Variants in STIM1 observed in about 807,000 individuals in gnomAD.
The protein encoded by STIM1 is stromal interaction molecule 1.
STIM1 carries 25 observed loss-of-function variants against 74.7 expected under a neutral mutation model. The observed-to-expected ratio is 0.33, with a 90% confidence interval of 0.24 to 0.47. The LOEUF (loss-of-function observed/expected upper bound fraction) is 0.47, where lower values mean the gene tolerates loss of function less well. Ranked by LOEUF, STIM1 falls within the 20% of genes least tolerant of loss-of-function variation. The probability of loss-of-function intolerance (pLI) is 1.00; values close to 1 mark genes in which losing one functional copy is unlikely to be tolerated. For synonymous variants in STIM1, 328 were observed against 348.8 expected (o/e 0.94, Z 0.66); for missense variants, 728 against 920.8 (o/e 0.79, Z 2.71).
intron 3 of STIM1, among the ~76,000 whole-genome samples, chr11:4,024,416 C>G (rs1387228606): frequency 6.6e-6 from 1 of 152,178 alleles, no homozygotes; most frequent in Non-Finnish European, 1.5e-5. Flanking sequence ...ACTCTCTCCT[C>G]TTCTATACCA....
At chr11:3,971,004 A>G (rs2093387519) in intron 2 of STIM1, among the ~76,000 whole-genome samples, 1 of 152,194 alleles carries the variant, frequency 6.6e-6, no homozygotes, top group Admixed American at 6.5e-5. Flanking sequence ...ATGGGTCACA[A>G]CTTTGTCTAA....
At chr11:3,937,317 T>TAATAAA (rs1224367253) in intron 1 of STIM1, among the ~76,000 whole-genome samples, 3 of 149,380 alleles carry the variant, frequency 2.0e-5, no homozygotes, top group African/African-American at 4.9e-5. Context: ...ATAATAATAA[T>TAATAAA]AAAATATCTG....
chr11:4,086,720 C>T, intron 12 of STIM1, 177 bp downstream of exon 12: 1 of 1,538,116 alleles, frequency 6.5e-7, no homozygotes. Context: ...ACCACCACCA[C>T]CACCACCACC....
intron 1 of STIM1, among the ~76,000 whole-genome samples, chr11:3,933,745 TTATAAC>T (rs1233187236): frequency 6.6e-6 from 1 of 152,192 alleles, no homozygotes; most frequent in Non-Finnish European, 1.5e-5. Flanking sequence ...TGAGGCAACA[TTATAAC>T]TATAATTGGA....
chr11:3,974,575 C>T (rs1385907718), intron 2 of STIM1, among the ~76,000 whole-genome samples: 6 of 150,694 alleles, frequency 4.0e-5, no homozygotes, highest in Non-Finnish European at 5.9e-5. Flanking sequence ...TTTTAAGAGT[C>T]TCTTAAAAGA....
chr11:3,880,144 G>A (rs373069638), intron 1 of STIM1, among the ~76,000 whole-genome samples: 6 of 152,300 alleles, frequency 3.9e-5, no homozygotes, highest in African/African-American at 1.4e-4. Flanking sequence ...ATGACCCTTA[G>A]TAAATCATTA....
At chr11:4,038,033 A>G (rs1328757914) in intron 3 of STIM1, among the ~76,000 whole-genome samples, 1 of 148,732 alleles carries the variant, frequency 6.7e-6, no homozygotes, top group Non-Finnish European at 1.5e-5. Flanking sequence ...TTAACTCATC[A>G]CAGTCTTTTT....
At chr11:3,872,876 T>C (rs935449182) in intron 1 of STIM1, among the ~76,000 whole-genome samples, 20 of 152,154 alleles carry the variant, frequency 1.3e-4, no homozygotes. Flanking sequence ...TCAATTCTTT[T>C]GATTCTCAAA....
At chr11:3,892,632 C>T (rs775162082) in intron 1 of STIM1, 183 of 1,606,914 alleles carry the variant, frequency 1.1e-4, no homozygotes, top group Non-Finnish European at 1.5e-4. Flanking sequence ...ATGAAGTTCT[C>T]ATCATCAAAT....
rs2090347253 is a variant in STIM1, at chr11:3,855,911, C to T, written c.-360C>T. 6.4e-6 allele frequency: 2 copies of T among 314,746 alleles called. No homozygotes were observed. The highest frequency in any genetic ancestry group is 8.5e-5 in the Admixed American group (2 of 23,500). 19.5% of individuals were successfully genotyped at this position (314,746 alleles called of 1,614,324 possible). A position where few individuals can be genotyped will look rare whatever the true frequency, so the allele number is the denominator to read the frequency against. ...TCTTCTCTTCTCTTCTCTTCCTCCT[C>T]CACTTCTGTGCCCGCGGAGACTCCG... is the stretch of plus-strand genomic sequence containing the variant. On this transcript the variant is annotated 5_prime_UTR_variant, in exon 1 of 13. Transcript: ENST00000526596.
intron 1 of STIM1, among the ~76,000 whole-genome samples, chr11:3,951,193 T>A (rs78028627): frequency 1.3e-5 from 2 of 152,180 alleles, no homozygotes; most frequent in Non-Finnish European, 2.9e-5. Context: ...GAGGACACTC[T>A]GCTACCCCAG....
chr11:3,866,594 T>C (rs1410461656), intron 1 of STIM1, among the ~76,000 whole-genome samples: 4 of 152,184 alleles, frequency 2.6e-5, no homozygotes, highest in African/African-American at 4.8e-5. Context: ...GCCCAGCTAA[T>C]TTTTGTATAT....
chr11:3,896,512 T>C (rs189928043), intron 1 of STIM1, among the ~76,000 whole-genome samples: 13 of 152,318 alleles, frequency 8.5e-5, no homozygotes, highest in Non-Finnish European at 1.2e-4. Context: ...AACATCTTGA[T>C]TGAGCTGCCG....
intron 1 of STIM1, chr11:3,961,287 G>A: frequency 4.3e-6 from 1 of 231,110 alleles, no homozygotes. Flanking sequence ...ACCTGGCCCT[G>A]CAGGCTGATT....
chr11:4,089,513 G>A (rs2094511419), intron 12 of STIM1, among the ~76,000 whole-genome samples: 1 of 152,208 alleles, frequency 6.6e-6, no homozygotes, highest in African/African-American at 2.4e-5. Context: ...TTAGAAGCAA[G>A]GACAGTGTCA....
chr11:3,920,148 A>C (rs1176904772), intron 1 of STIM1, among the ~76,000 whole-genome samples: 1 of 150,452 alleles, frequency 6.6e-6, no homozygotes, highest in Non-Finnish European at 1.5e-5. Flanking sequence ...TTTGGTAGAG[A>C]TGGGGTCTTG....
At chr11:4,004,560 C>A (rs1246238867) in intron 2 of STIM1, among the ~76,000 whole-genome samples, 1 of 151,382 alleles carries the variant, frequency 6.6e-6, no homozygotes, top group African/African-American at 2.4e-5. Context: ...TGGATCCCTT[C>A]CTTATACCTT....
chr11:4,015,247 G>A (rs867987032), intron 2 of STIM1, among the ~76,000 whole-genome samples: 7 of 152,190 alleles, frequency 4.6e-5, no homozygotes, highest in South Asian at 2.1e-4. Flanking sequence ...AGGCCTGGTG[G>A]TGACAAAATT....
intron 12 of STIM1, among the ~76,000 whole-genome samples, chr11:4,087,673 G>C (rs1386288858): frequency 6.6e-6 from 1 of 151,906 alleles, no homozygotes; most frequent in African/African-American, 2.4e-5. Context: ...GTGGCTGTGT[G>C]AAGGAAGGAA....
Sources: allele counts gnomAD v4.1 joint callset (sites outside exome capture counted in the v4.1 genomes callset), GRCh38; gene constraint gnomAD v4.1.1; transcripts MANE v1.5; gene names NCBI Gene and HGNC (gene_info 2026-07-23, HGNC 2026-07-21).